The following ACSM2A variants were observed in gnomAD, a reference collection of about 807,000 sequenced individuals.
ACSM2A encodes the protein acyl-CoA synthetase medium chain family member 2A.
A neutral mutation model predicts 76.6 loss-of-function variants in ACSM2A; 72 were observed. The observed-to-expected ratio is 0.94, with a 90% confidence interval of 0.78 to 1.14. The LOEUF is 1.14. Among genes scored for constraint, ACSM2A ranks in the 50% most tolerant of loss-of-function variants. The pLI, the probability that ACSM2A is intolerant of heterozygous loss-of-function variation, is 0.00. For synonymous variants in ACSM2A, 249 were observed against 255.9 expected (o/e 0.97, Z 0.26); for missense variants, 684 against 708.5 (o/e 0.97, Z 0.39).
chr16:20,468,186 T>A (rs778936389), intron 3 of ACSM2A, among the ~76,000 whole-genome samples: 2 of 152,166 alleles, frequency 1.3e-5, no homozygotes, highest in Admixed American at 6.5e-5. Context: ...TTGTTCTGTG[T>A]CTGACTCAAT....
intron 3 of ACSM2A, among the ~76,000 whole-genome samples, chr16:20,466,478 T>C (rs180936895): frequency 6.6e-6 from 1 of 152,238 alleles, no homozygotes; most frequent in African/African-American, 2.4e-5. Flanking sequence ...GGAGTTGTGG[T>C]AGAGAAGAGT....
rs1461282654 is a variant in ACSM2A, at chr16:20,477,428, T to C, written c.1158T>C (p.Ala386=). Residue 386 remains alanine (A), a synonymous_variant, in exon 9 of 14, where the codon GCT becomes GCC. Coordinates refer to ENST00000573854, the MANE Select transcript of ACSM2A (RefSeq NM_001308172.2). The part of the protein sequence containing the change: ...MKIKPGYMGT[A]ASCYDVQIID... ...TCAAACCAGGATACATGGGAACGGC[T>C]GCTTCCTGTTATGATGTACAGGTTT... The C allele has an allele frequency of 6.2e-7, 1 of 1,609,230 alleles. No homozygotes were observed. Among genetic ancestry groups the C allele is most frequent in the Non-Finnish European group, 8.5e-7 (1 of 1,177,360 alleles).
intron 13 of ACSM2A, 134 bp downstream of exon 13, chr16:20,483,311 T>C: frequency 7.2e-7 from 1 of 1,389,966 alleles, no homozygotes; most frequent in Non-Finnish European, 9.6e-7. Flanking sequence ...AGCTCACGCC[T>C]GTAATCCCAG....
intron 3 of ACSM2A, among the ~76,000 whole-genome samples, chr16:20,468,240 G>A (rs867688893): frequency 6.6e-6 from 1 of 152,192 alleles, no homozygotes; most frequent in African/African-American, 2.4e-5. Context: ...TTACAGGTAT[G>A]CAGTGAGAAT....
chr16:20,466,320 T>G (rs1044907922), intron 3 of ACSM2A, among the ~76,000 whole-genome samples: 1 of 152,156 alleles, frequency 6.6e-6, no homozygotes, highest in Non-Finnish European at 1.5e-5. Context: ...GGAAGTGATA[T>G]TTGAGCTGAG....
intron 1 of ACSM2A, chr16:20,453,641 G>T (rs1358909061): frequency 7.9e-6 from 1 of 126,514 alleles, no homozygotes; most frequent in African/African-American, 3.3e-5. Context: ...AGGTCTGACT[G>T]CCTGCGGGGT....
intron 3 of ACSM2A, among the ~76,000 whole-genome samples, chr16:20,467,324 A>C (rs571473180): frequency 6.6e-6 from 1 of 151,540 alleles, no homozygotes; most frequent in Admixed American, 6.6e-5. Context: ...ATGGGAAATG[A>C]TTGATGGATT....
intron 6 of ACSM2A, among the ~76,000 whole-genome samples, chr16:20,472,907 A>G (rs1351747041): frequency 1.3e-5 from 2 of 152,160 alleles, no homozygotes; most frequent in African/African-American, 2.4e-5. Flanking sequence ...GTTATTTCCA[A>G]TTTAAGATGG....
chr16:20,459,249 G>T (rs2012454661), intron 1 of ACSM2A, among the ~76,000 whole-genome samples: 1 of 152,004 alleles, frequency 6.6e-6, no homozygotes, highest in African/African-American at 2.4e-5. Context: ...GCACAACAAT[G>T]TCACAAATCA....
intron 6 of ACSM2A, among the ~76,000 whole-genome samples, chr16:20,472,652 A>G (rs1432982815): frequency 1.3e-4 from 20 of 151,956 alleles, no homozygotes. Flanking sequence ...TCTGCCCCCC[A>G]TAAGTTAATC....
rs1293767248 is a variant in ACSM2A, at chr16:20,487,548, A to G, written c.*870A>G. 6.6e-6 allele frequency: 1 copy of G among 152,218 alleles called. No homozygotes were observed. Among genetic ancestry groups the G allele is most frequent in the Non-Finnish European group, 1.5e-5 (1 of 68,042 alleles). 9.4% of individuals were successfully genotyped at this position (152,218 alleles called of 1,614,324 possible). On this transcript the variant is annotated 3_prime_UTR_variant, in exon 14 of 14. Transcript: ENST00000573854. ...TTTCACCTGTGTGTGGCATCTACAG[A>G]CCTTAGATCATAGCTGTGAGAACAA...
At chr16:20,470,169 A>G (rs752256250) in intron 4 of ACSM2A, among the ~76,000 whole-genome samples, 1 of 152,186 alleles carries the variant, frequency 6.6e-6, no homozygotes, top group African/African-American at 2.4e-5. Flanking sequence ...CACTGGAAAC[A>G]ACATGATGTT....
intron 2 of ACSM2A, among the ~76,000 whole-genome samples, chr16:20,462,818 G>T (rs1272152414): frequency 6.6e-6 from 1 of 151,820 alleles, no homozygotes; most frequent in Non-Finnish European, 1.5e-5. Context: ...TTCCAACTCT[G>T]GGTATACACC....
intron 4 of ACSM2A, chr16:20,470,765 T>A: frequency 1.8e-6 from 1 of 548,584 alleles, no homozygotes; most frequent in Non-Finnish European, 3.5e-6. Flanking sequence ...TTTGCTCATT[T>A]CTTTGGTGGT....
chr16:20,483,287 T>G, intron 13 of ACSM2A, 110 bp downstream of exon 13: 1 of 1,508,136 alleles, frequency 6.6e-7, no homozygotes, highest in South Asian at 1.2e-5. Flanking sequence ...AAAGTCTTCC[T>G]GGCTGGGCGC....
At chr16:20,471,736 G>A in intron 6 of ACSM2A, 47 bp downstream of exon 6, 1 of 1,574,888 alleles carries the variant, frequency 6.3e-7, no homozygotes, top group Non-Finnish European at 8.6e-7. Context: ...TGAGCCCGAG[G>A]TTTGCACACT....
chr16:20,453,376 T>C (rs2011908090), intron 1 of ACSM2A: 1 of 151,588 alleles, frequency 6.6e-6, no homozygotes, highest in African/African-American at 2.4e-5. Flanking sequence ...TTTACTGCAA[T>C]CTCTGAACAT....
Position 20,478,587 on chromosome 16 carries a change from T to C in ACSM2A, c.1191T>C (p.Asp397=), listed in dbSNP as rs1490418375. The C allele has an allele frequency of 5.6e-6, 9 of 1,613,436 alleles. No homozygotes were observed. Among genetic ancestry groups the C allele is most frequent in the Non-Finnish European group, 6.8e-6 (8 of 1,179,650 alleles). The change falls in exon 10 of 14, where the codon GAT becomes GAC. Residue 397 remains aspartate (D), a synonymous_variant. Transcript: ENST00000573854. ...GCTTCTTTCTCCAGATCATAGATGA[T>C]AAGGGCAACGTCCTGCCCCCCGGCA... The part of the protein sequence containing the change: ...ASCYDVQIID[D]KGNVLPPGTE...
intron 2 of ACSM2A, 129 bp downstream of exon 2, chr16:20,460,420 A>T: frequency 2.7e-6 from 4 of 1,476,078 alleles, no homozygotes; most frequent in Non-Finnish European, 3.6e-6. Context: ...TGGACAAGAC[A>T]CTCGTCTTCC....
Sources: gnomAD v4.1 joint callset for allele counts (sites outside exome capture counted in the v4.1 genomes callset) on GRCh38, gnomAD v4.1.1 for gene constraint, MANE v1.5 for transcripts, NCBI Gene and HGNC (gene_info 2026-07-23, HGNC 2026-07-21) for gene names.